The following MAST4 variants were observed in gnomAD, a reference collection of about 807,000 sequenced individuals.
The protein encoded by MAST4 is microtubule associated serine/threonine kinase family member 4, also known as microtubule-associated serine/threonine-protein kinase 4.
In MAST4, 89 loss-of-function variants were observed where a neutral mutation model predicts 162.7. That is an observed-to-expected ratio of 0.55 (90% CI 0.46 to 0.65). MAST4 has a LOEUF of 0.65. Among genes scored for constraint, MAST4 ranks in the 30% least tolerant of loss-of-function variants. MAST4 has a pLI of 0.00. For missense variants in MAST4, 3,153 were observed against 3,374.0 expected (o/e 0.93, Z 1.62); for synonymous variants, 1,479 against 1,361.1 (o/e 1.09, Z -1.91).
chr5:67,080,122 T>A (rs1762429674), intron 5 of MAST4, among the ~76,000 whole-genome samples: 2 of 152,176 alleles, frequency 1.3e-5, no homozygotes, highest in African/African-American at 4.8e-5. Flanking sequence ...TTCAGAAAGG[T>A]TAGCATTCCA....
intron 3 of MAST4, among the ~76,000 whole-genome samples, chr5:66,863,829 C>T (rs1760288918): frequency 2.0e-5 from 3 of 152,156 alleles, no homozygotes; most frequent in African/African-American, 7.2e-5. Flanking sequence ...TGTCAGGTGA[C>T]CTCTTCTCTT....
At chr5:66,680,380 T>G (rs79879717) in intron 1 of MAST4, among the ~76,000 whole-genome samples, 5,083 of 152,296 alleles carry the variant, frequency 0.033, 124 homozygotes, top group South Asian at 0.052. Context: ...TCATTGTCTT[T>G]CCTGACTCCC....
chr5:66,689,318 A>G (rs1268007920), intron 1 of MAST4, among the ~76,000 whole-genome samples: 1 of 152,096 alleles, frequency 6.6e-6, no homozygotes, highest in East Asian at 1.9e-4. Flanking sequence ...GTGAGGTGCA[A>G]TCTCTACTGT....
chr5:66,899,410 A>G (rs1352342245), intron 3 of MAST4, among the ~76,000 whole-genome samples: 1 of 152,206 alleles, frequency 6.6e-6, no homozygotes, highest in Non-Finnish European at 1.5e-5. Flanking sequence ...CCAAGGAATA[A>G]ATGGATGTTT....
intron 3 of MAST4, among the ~76,000 whole-genome samples, chr5:66,822,640 C>T (rs750810174): frequency 6.6e-6 from 1 of 152,088 alleles, no homozygotes; most frequent in Non-Finnish European, 1.5e-5. Flanking sequence ...TCTAGTTTCC[C>T]CTCTAAAGTA....
intron 1 of MAST4, chr5:66,622,882 G>A (rs1334310023): frequency 6.6e-6 from 1 of 152,258 alleles, no homozygotes; most frequent in Non-Finnish European, 1.5e-5. Context: ...AGCTAACCAA[G>A]GTTATGCCAT....
chr5:67,058,842 G>C (rs776367892), intron 5 of MAST4, among the ~76,000 whole-genome samples: 4 of 152,204 alleles, frequency 2.6e-5, no homozygotes, highest in Admixed American at 6.5e-5. Flanking sequence ...TAAAAAGAAG[G>C]CTGTAAAAAT....
At chr5:67,089,765 C>T (rs1226990603) in intron 5 of MAST4, among the ~76,000 whole-genome samples, 1 of 152,178 alleles carries the variant, frequency 6.6e-6, no homozygotes, top group Non-Finnish European at 1.5e-5. Flanking sequence ...ATGGAAAACA[C>T]CTCCAACTGA....
intron 24 of MAST4, among the ~76,000 whole-genome samples, chr5:67,150,153 T>G (rs1266935477): frequency 6.6e-6 from 1 of 152,204 alleles, no homozygotes; most frequent in Non-Finnish European, 1.5e-5. Flanking sequence ...CTGCCCTGTT[T>G]TGGAAAACTG....
At chr5:66,789,916 G>T (rs1755309395) in intron 3 of MAST4, among the ~76,000 whole-genome samples, 1 of 146,806 alleles carries the variant, frequency 6.8e-6, no homozygotes, top group African/African-American at 2.5e-5. Flanking sequence ...GTGTGTATTT[G>T]TTAGCAGCAT....
intron 3 of MAST4, among the ~76,000 whole-genome samples, chr5:66,813,473 A>C (rs967638127): frequency 6.6e-6 from 1 of 152,230 alleles, no homozygotes; most frequent in Non-Finnish European, 1.5e-5. Flanking sequence ...TAGTGGAAGA[A>C]CCAGAAAGAG....
At chr5:66,872,426 T>C (rs1257756826) in intron 3 of MAST4, among the ~76,000 whole-genome samples, 2 of 152,194 alleles carry the variant, frequency 1.3e-5, no homozygotes, top group African/African-American at 4.8e-5. Flanking sequence ...TGCCTCGGCC[T>C]CCCAAAGTAC....
At chr5:67,144,573 A>G in intron 21 of MAST4, 96 bp from the exon 22 acceptor site, 1 of 1,242,564 alleles carries the variant, frequency 8.0e-7, no homozygotes, top group Non-Finnish European at 1.2e-6. Context: ...TTCAGAATTT[A>G]GTTATCCTCT....
At chr5:67,063,068 A>T (rs1759819526) in intron 5 of MAST4, among the ~76,000 whole-genome samples, 1 of 152,072 alleles carries the variant, frequency 6.6e-6, no homozygotes, top group African/African-American at 2.4e-5. Flanking sequence ...AAGCTATATC[A>T]TTTCACAGTG....
At chr5:66,851,151 G>T (rs541735725) in intron 3 of MAST4, among the ~76,000 whole-genome samples, 2 of 152,060 alleles carry the variant, frequency 1.3e-5, no homozygotes, top group East Asian at 3.9e-4. Flanking sequence ...TTCCATCTTG[G>T]CCCTGTTTAT....
chr5:67,078,911 A>AATAAATATATATATATATAT (rs1227485756), intron 5 of MAST4, among the ~76,000 whole-genome samples: 1 of 38,104 alleles, frequency 2.6e-5, no homozygotes, highest in Non-Finnish European at 4.4e-5. Flanking sequence ...TTTTTATATA[A>AATAAATATATATATATATAT]ATATATATAT....
At chr5:66,964,701 G>GC (rs1746471717) in intron 4 of MAST4, among the ~76,000 whole-genome samples, 1 of 152,218 alleles carries the variant, frequency 6.6e-6, no homozygotes, top group African/African-American at 2.4e-5. Context: ...CCCATGGGAG[G>GC]CTGAGGCGGG....
chr5:66,994,830 A>T (rs763878365), intron 4 of MAST4, among the ~76,000 whole-genome samples: 8 of 152,196 alleles, frequency 5.3e-5, no homozygotes, highest in Non-Finnish European at 1.5e-5. Flanking sequence ...TTTTTATTAT[A>T]TTCATGTCTA....
At chr5:66,981,231 A>G (rs1308446485) in intron 4 of MAST4, among the ~76,000 whole-genome samples, 1 of 152,168 alleles carries the variant, frequency 6.6e-6, no homozygotes, top group Non-Finnish European at 1.5e-5. Context: ...AAATAGCTGA[A>G]TATATTGATT....
Sources: gnomAD v4.1 joint callset for allele counts (sites outside exome capture counted in the v4.1 genomes callset) on GRCh38, gnomAD v4.1.1 for gene constraint, MANE v1.5 for transcripts, NCBI Gene and HGNC (gene_info 2026-07-23, HGNC 2026-07-21) for gene names.